The following XKR9 variants were observed in gnomAD, a reference collection of about 807,000 sequenced individuals.
XKR9 encodes XK-related protein 9.
XKR9 carries 32 observed loss-of-function variants against 32.0 expected under a neutral mutation model. The observed-to-expected ratio is 1.00, with a 90% CI of 0.76 to 1.34. The LOEUF (loss-of-function observed/expected upper bound fraction) is 1.34. XKR9 is among the 40% of genes most tolerant of loss of function. The pLI is 0.00. For synonymous variants in XKR9, 168 were observed against 143.4 expected (o/e 1.17, Z -1.22); for missense variants, 546 against 429.7 (o/e 1.27, Z -2.39).
At chr8:70,783,984 G>T (rs1807649772) in intron 2 of XKR9, among the ~76,000 whole-genome samples, 1 of 152,124 alleles carries the variant, frequency 6.6e-6, no homozygotes, top group East Asian at 1.9e-4. Context: ...CGTGTCCTTA[G>T]CACCTTCGTG....
In XKR9 at chr8:70,735,504, G is replaced by A. The variant is rs1806836065; in HGVS notation, c.*1080G>A. The A allele has an allele frequency of 6.6e-6, 1 of 150,882 alleles. No homozygotes were observed. The highest frequency in any genetic ancestry group is 1.5e-5 in the Non-Finnish European group (1 of 67,758). 9.3% of individuals were successfully genotyped at this position (150,882 alleles called of 1,614,324 possible). Reference sequence around the variant, plus strand: ...ATACTTTAAGGTTTAGGGTACATGTGCACAATGTGCAGGTTAGTTACATAT... The same window carrying A: ...ATACTTTAAGGTTTAGGGTACATGTACACAATGTGCAGGTTAGTTACATAT... On this transcript the variant is annotated 3_prime_UTR_variant, in exon 5 of 5. Transcript: ENST00000408926.
intron 3 of XKR9, among the ~76,000 whole-genome samples, chr8:70,697,860 G>C (rs1176320883): frequency 6.6e-6 from 1 of 151,998 alleles, no homozygotes; most frequent in African/African-American, 2.4e-5. Context: ...CACAATTTCA[G>C]CTCCTGTTAT....
chr8:71,062,995 T>G, the XKR9 span, among the ~76,000 whole-genome samples: 1 of 152,142 alleles, frequency 6.6e-6, no homozygotes, highest in African/African-American at 2.4e-5. Context: ...AGCTTGCAGA[T>G]GTATTCTTGC....
At chr8:70,753,464 AAAG>A (rs1807171893) in intron 2 of XKR9, among the ~76,000 whole-genome samples, 1 of 152,172 alleles carries the variant, frequency 6.6e-6, no homozygotes, top group Non-Finnish European at 1.5e-5. Flanking sequence ...CACAACCAAA[AAAG>A]AGAATTTTAG....
chr8:71,009,391 C>A, the XKR9 span, among the ~76,000 whole-genome samples: 1 of 121,708 alleles, frequency 8.2e-6, no homozygotes, highest in Non-Finnish European at 2.0e-5. Flanking sequence ...ATGTGTGGCC[C>A]AAGAGAATTC....
the XKR9 span, among the ~76,000 whole-genome samples, chr8:71,021,498 C>CTTTTTTTTT: frequency 2.0e-5 from 2 of 101,416 alleles, no homozygotes; most frequent in East Asian, 2.7e-4. Flanking sequence ...TTGATGGTTT[C>CTTTTTTTTT]TTTTTTTTTT....
chr8:71,056,789 G>GA, the XKR9 span, among the ~76,000 whole-genome samples: 1 of 151,824 alleles, frequency 6.6e-6, no homozygotes, highest in Admixed American at 6.6e-5. Flanking sequence ...GGGAGAAAAA[G>GA]AAAAAATAAT....
the XKR9 span, among the ~76,000 whole-genome samples, chr8:71,019,006 T>C: frequency 1.3e-5 from 2 of 152,232 alleles, no homozygotes; most frequent in African/African-American, 4.8e-5. Flanking sequence ...ATATTTCTGA[T>C]TGACAGCTCC....
intron 3 of XKR9, among the ~76,000 whole-genome samples, chr8:70,696,193 C>G (rs1805269718): frequency 6.6e-6 from 1 of 152,128 alleles, no homozygotes; most frequent in Non-Finnish European, 1.5e-5. Context: ...TTAATTAGAT[C>G]TCATTTGTCA....
At chr8:70,830,978 A>G in the XKR9 span, among the ~76,000 whole-genome samples, 24 of 152,272 alleles carry the variant, frequency 1.6e-4, no homozygotes, top group African/African-American at 5.5e-4. Context: ...CTATATGTAT[A>G]CCAGATAACT....
At chr8:70,944,441 G>A in the XKR9 span, among the ~76,000 whole-genome samples, 1 of 152,112 alleles carries the variant, frequency 6.6e-6, no homozygotes, top group African/African-American at 2.4e-5. Context: ...AGTTATGAGG[G>A]GAAAAATTAC....
At chr8:70,885,214 T>C in the XKR9 span, among the ~76,000 whole-genome samples, 1 of 152,172 alleles carries the variant, frequency 6.6e-6, no homozygotes, top group African/African-American at 2.4e-5. Context: ...AATTGACTTT[T>C]GTATCTTGAC....
intron 3 of XKR9, among the ~76,000 whole-genome samples, chr8:70,682,348 G>T (rs1385976978): frequency 6.6e-6 from 1 of 152,138 alleles, no homozygotes; most frequent in Non-Finnish European, 1.5e-5. Flanking sequence ...AGTTGCTTTT[G>T]CAAGGAATTT....
the XKR9 span, among the ~76,000 whole-genome samples, chr8:70,813,956 G>T: frequency 6.6e-6 from 1 of 152,126 alleles, no homozygotes; most frequent in African/African-American, 2.4e-5. Context: ...TATACCCAAA[G>T]GATTATAAAT....
At chr8:70,956,740 C>A in the XKR9 span, among the ~76,000 whole-genome samples, 9 of 152,292 alleles carry the variant, frequency 5.9e-5, no homozygotes, top group African/African-American at 2.2e-4. Context: ...TGTGCATACC[C>A]GGCCAGGTTA....
intron 2 of XKR9, among the ~76,000 whole-genome samples, chr8:70,788,626 A>G (rs1398586075): frequency 1.3e-5 from 2 of 152,128 alleles, no homozygotes; most frequent in Middle Eastern, 3.2e-3. Context: ...TCAAACAGTG[A>G]TTAAAAAGTT....
chr8:70,748,083 T>A (rs1807082971), intron 2 of XKR9, among the ~76,000 whole-genome samples: 1 of 152,226 alleles, frequency 6.6e-6, no homozygotes, highest in Admixed American at 6.5e-5. Flanking sequence ...ATGTACGAGA[T>A]AGCAACAATC....
chr8:71,006,698 C>T, the XKR9 span, among the ~76,000 whole-genome samples: 1 of 152,140 alleles, frequency 6.6e-6, no homozygotes, highest in Admixed American at 6.5e-5. Flanking sequence ...ATGTTTGATT[C>T]ACATCTCAGT....
At chr8:70,891,987 T>C in the XKR9 span, among the ~76,000 whole-genome samples, 2 of 152,228 alleles carry the variant, frequency 1.3e-5, no homozygotes, top group African/African-American at 4.8e-5. Context: ...TTTGCTGCAT[T>C]GATTCCTTCA....
Sources: allele counts gnomAD v4.1 joint callset (sites outside exome capture counted in the v4.1 genomes callset), GRCh38; gene constraint gnomAD v4.1.1; transcripts MANE v1.5; gene names NCBI Gene and HGNC (gene_info 2026-07-23, HGNC 2026-07-21).